Variants in ARHGEF12 observed in about 807,000 individuals in gnomAD.
ARHGEF12 encodes the protein KMT2A/ARHGEF12 fusion protein.
A neutral mutation model predicts 211.2 loss-of-function variants in ARHGEF12; 66 were observed. The observed-to-expected ratio is 0.31, with a 90% CI of 0.26 to 0.38. The LOEUF is 0.38. Ranked by LOEUF, ARHGEF12 falls within the 10% of genes least tolerant of loss-of-function variation. The pLI is 1.00. For synonymous variants in ARHGEF12, 592 were observed against 638.4 expected, an observed-to-expected ratio of 0.93 and a Z score of 1.09; for missense variants, 1,429 against 1,869.5, an observed-to-expected ratio of 0.76 and a Z score of 4.34.
intron 10 of ARHGEF12, among the ~76,000 whole-genome samples, chr11:120,430,104 G>A (rs924015828): frequency 6.6e-6 from 1 of 151,750 alleles, no homozygotes; most frequent in South Asian, 2.1e-4. Flanking sequence ...CTACTAAAAT[G>A]TATTTAGATA....
At chr11:120,399,702 A>G (rs754666227) in intron 1 of ARHGEF12, among the ~76,000 whole-genome samples, 1 of 152,196 alleles carries the variant, frequency 6.6e-6, no homozygotes, top group African/African-American at 2.4e-5. Context: ...CATATTTGAT[A>G]CATAAGATAA....
intron 4 of ARHGEF12, chr11:120,411,729 A>G (rs1037315654): frequency 2.3e-4 from 34 of 151,106 alleles, no homozygotes; most frequent in African/African-American, 8.3e-4. Flanking sequence ...AGCTGGGACT[A>G]CAGGTGCACA....
intron 1 of ARHGEF12, among the ~76,000 whole-genome samples, chr11:120,398,732 T>C (rs1944463091): frequency 6.6e-6 from 1 of 152,204 alleles, no homozygotes; most frequent in Admixed American, 6.5e-5. Flanking sequence ...CCAATAAAAG[T>C]ATTTTTAATG....
chr11:120,408,477 A>G (rs1240641623), intron 3 of ARHGEF12: 1 of 152,082 alleles, frequency 6.6e-6, no homozygotes, highest in Admixed American at 6.6e-5. Context: ...GATTCATAGA[A>G]AGTGCTTGGT....
chr11:120,400,050 ATT>A (rs925543797), intron 1 of ARHGEF12, among the ~76,000 whole-genome samples: 1 of 152,186 alleles, frequency 6.6e-6, no homozygotes, highest in Non-Finnish European at 1.5e-5. Flanking sequence ...TCAGAAGTAC[ATT>A]TGTATCTTTT....
At chr11:120,365,357 T>G (rs1381218207) in intron 1 of ARHGEF12, among the ~76,000 whole-genome samples, 1 of 152,162 alleles carries the variant, frequency 6.6e-6, no homozygotes, top group African/African-American at 2.4e-5. Context: ...AATGAAAGAC[T>G]GCTGGGAGAT....
chr11:120,428,374 A>C, intron 8 of ARHGEF12, 127 bp downstream of exon 8: 1 of 787,438 alleles, frequency 1.3e-6, no homozygotes, highest in Non-Finnish European at 1.8e-6. Context: ...ATGATTTACT[A>C]ATATAAAAAT....
intron 1 of ARHGEF12, among the ~76,000 whole-genome samples, chr11:120,353,253 C>CA (rs1250524319): frequency 2.0e-5 from 3 of 152,200 alleles, no homozygotes; most frequent in Non-Finnish European, 4.4e-5. Flanking sequence ...TCATGCGAAA[C>CA]TCAGAATCTT....
At chr11:120,388,790 T>C (rs1944118495) in intron 1 of ARHGEF12, among the ~76,000 whole-genome samples, 1 of 152,200 alleles carries the variant, frequency 6.6e-6, no homozygotes, top group Non-Finnish European at 1.5e-5. Flanking sequence ...AATCTTGTTT[T>C]TAATTGAGCT....
chr11:120,376,451 T>C (rs1565438253), intron 1 of ARHGEF12, among the ~76,000 whole-genome samples: 1 of 152,180 alleles, frequency 6.6e-6, no homozygotes, highest in Non-Finnish European at 1.5e-5. Context: ...ATTTCCTTCA[T>C]TTTATCTTTT....
At chr11:120,472,572 A>G (rs1946900036) in intron 30 of ARHGEF12, among the ~76,000 whole-genome samples, 1 of 152,198 alleles carries the variant, frequency 6.6e-6, no homozygotes, top group Non-Finnish European at 1.5e-5. Flanking sequence ...CAGGAGGAAA[A>G]CTAGGAGAGT....
intron 1 of ARHGEF12, among the ~76,000 whole-genome samples, chr11:120,377,864 C>T (rs1229702540): frequency 6.6e-6 from 1 of 152,202 alleles, no homozygotes; most frequent in Middle Eastern, 3.4e-3. Flanking sequence ...TTTTCTTTCT[C>T]TTTGGTAAAC....
chr11:120,391,250 T>C (rs566453204), intron 1 of ARHGEF12, among the ~76,000 whole-genome samples: 9 of 152,346 alleles, frequency 5.9e-5, no homozygotes, highest in African/African-American at 9.6e-5. Context: ...CTTCCTTATA[T>C]ACAAGTTCCA....
At chr11:120,465,602 G>A (rs1946681111) in intron 28 of ARHGEF12, among the ~76,000 whole-genome samples, 1 of 152,100 alleles carries the variant, frequency 6.6e-6, no homozygotes, top group Non-Finnish European at 1.5e-5. Flanking sequence ...TAGTAGTTAG[G>A]ATTACAGGTA....
chr11:120,393,457 A>C (rs1944282176), intron 1 of ARHGEF12, among the ~76,000 whole-genome samples: 1 of 152,188 alleles, frequency 6.6e-6, no homozygotes, highest in Admixed American at 6.5e-5. Context: ...AAAAATACAC[A>C]TTGTTTAAAA....
chr11:120,429,553 T>C, intron 9 of ARHGEF12, 36 bp downstream of exon 9: 1 of 1,602,090 alleles, frequency 6.2e-7, no homozygotes, highest in Non-Finnish European at 8.5e-7. Context: ...TACAGGCCAA[T>C]AAAAATGTGA....
At chr11:120,398,121 A>G (rs11217856) in intron 1 of ARHGEF12, among the ~76,000 whole-genome samples, 2,009 of 152,314 alleles carry the variant, frequency 0.013, 53 homozygotes, top group African/African-American at 0.046. Context: ...TCATTACTCA[A>G]TCCCTTGAGA....
chr11:120,412,162 A>T (rs1944902994), intron 4 of ARHGEF12, among the ~76,000 whole-genome samples: 1 of 152,178 alleles, frequency 6.6e-6, no homozygotes, highest in Non-Finnish European at 1.5e-5. Context: ...TTTTAATAAT[A>T]CTTAATTTTA....
At chr11:120,458,905 G>A (rs142836090) in intron 25 of ARHGEF12, 50 of 210,242 alleles carry the variant, frequency 2.4e-4, no homozygotes, top group African/African-American at 1.1e-3. Flanking sequence ...TGATAGGTGG[G>A]TATTATTGTA....
Sources: allele counts gnomAD v4.1 joint callset (sites outside exome capture counted in the v4.1 genomes callset), GRCh38; gene constraint gnomAD v4.1.1; transcripts MANE v1.5; gene names NCBI Gene and HGNC (gene_info 2026-07-23, HGNC 2026-07-21).